KLHL29: variants seen among roughly 807,000 people sequenced by gnomAD.
KLHL29 encodes kelch like family member 29, also known as kelch-like protein 29.
KLHL29 carries 21 observed loss-of-function variants against 80.4 expected under a neutral mutation model. The observed-to-expected ratio is 0.26, with a 90% CI of 0.19 to 0.38. The LOEUF (loss-of-function observed/expected upper bound fraction) is 0.38, where lower values mean the gene tolerates loss of function less well. Among genes scored for constraint, KLHL29 ranks in the 10% least tolerant of loss-of-function variants. The pLI is 1.00. For synonymous variants in KLHL29, 511 were observed against 526.8 expected (o/e 0.97, Z 0.41); for missense variants, 867 against 1,223.9 (o/e 0.71, Z 4.35).
Position 23,693,405 on chromosome 2 carries a change from C to T in KLHL29, c.1419C>T (p.Leu473=), listed in dbSNP as rs1322649692. 4.5e-6 allele frequency: 7 copies of T among 1,551,754 alleles called. No individual in the cohort carries two copies. The highest frequency in any genetic ancestry group is 5.2e-6 in the Non-Finnish European group (6 of 1,146,988). ...AGGTGGCCGCCCAGGAGGAGATCCT[C>T]AGCATCTCCAAGGACGACTTCATCG... ...FPEVAAQEEI[L]SISKDDFIAY... is the part of the protein sequence containing the mutation. The change falls in exon 8 of 14, where the codon CTC becomes CTT. Residue 473 remains leucine, a synonymous_variant. Transcript: ENST00000486442.
chr2:23,602,933 C>T lies in KLHL29; in HGVS notation c.286-36206C>T, dbSNP rs1045265415. Reference sequence around the variant, plus strand: ...TCAGCCTAGGCCAGCTTGGACTTGCCAGCAATTCTGGGGCTTCATAGACCC... The same window carrying T: ...TCAGCCTAGGCCAGCTTGGACTTGCTAGCAATTCTGGGGCTTCATAGACCC... On this transcript the variant is annotated intron_variant, in intron 3 of 13. Transcript: ENST00000486442. Among the ~76,000 whole-genome samples, 16 of 152,270 alleles carry T rather than the reference C, an allele frequency of 1.1e-4. No homozygotes were observed. In the South Asian group the frequency reaches 1.2e-3, roughly 12 times the overall value.
At chr2:23,433,330 C>A (rs1474418907) in intron 1 of KLHL29, among the ~76,000 whole-genome samples, 1 of 152,230 alleles carries the variant, frequency 6.6e-6, no homozygotes, top group Admixed American at 6.5e-5. Context: ...CTAGGGCATT[C>A]CCCGGATCCG....
chr2:23,643,005 C>A, intron 5 of KLHL29, 155 bp downstream of exon 5: 3 of 899,098 alleles, frequency 3.3e-6, no homozygotes, highest in African/African-American at 1.6e-5. Context: ...CTGCCCAAGA[C>A]AACTGGCCTG....
chr2:23,524,947 T>C (rs1666254372), intron 2 of KLHL29, among the ~76,000 whole-genome samples: 1 of 152,254 alleles, frequency 6.6e-6, no homozygotes, highest in South Asian at 2.1e-4. Context: ...CCAAACTCTC[T>C]CAGACTTTGG....
intron 1 of KLHL29, among the ~76,000 whole-genome samples, chr2:23,444,801 G>C (rs1201798718): frequency 6.6e-6 from 1 of 152,122 alleles, no homozygotes; most frequent in African/African-American, 2.4e-5. Flanking sequence ...TCCCGTTACA[G>C]ATGTACGATC....
intron 5 of KLHL29, among the ~76,000 whole-genome samples, chr2:23,678,133 T>G (rs1670973274): frequency 6.6e-6 from 1 of 152,116 alleles, no homozygotes; most frequent in South Asian, 2.1e-4. Flanking sequence ...TGTCGTTTGG[T>G]GAAAAATATG....
At chr2:23,475,797 A>G (rs983982455) in intron 2 of KLHL29, 130 bp downstream of exon 2, 1 of 155,710 alleles carries the variant, frequency 6.4e-6, no homozygotes, top group African/African-American at 2.4e-5. Context: ...CCTCTTCCTC[A>G]GTGCGATTTT....
chr2:23,458,811 T>C (rs1279487565), intron 1 of KLHL29, among the ~76,000 whole-genome samples: 1 of 152,122 alleles, frequency 6.6e-6, no homozygotes, highest in Non-Finnish European at 1.5e-5. Context: ...AGGGGTGAGA[T>C]GAGGCAGGAG....
Position 23,581,760 on chromosome 2 carries a change from G to A in KLHL29, c.285+19279G>A, listed in dbSNP as rs531405555. Among the ~76,000 whole-genome samples the A allele has an allele frequency of 1.3e-4, 19 of 144,636 alleles. 1 individual carries two copies. In the East Asian group the frequency reaches 3.7e-3, roughly 29 times the overall value. The allele number at this position is 144,636 out of a possible 152,430, so 94.9% of individuals were successfully genotyped here. ...GGAGAATCGCTTGAACCCGGGAGGTGGAGGTTGCAGTGAGCCAAGACCACA... is the reference window on the plus strand; with the variant it reads ...GGAGAATCGCTTGAACCCGGGAGGTAGAGGTTGCAGTGAGCCAAGACCACA... On this transcript the variant is annotated intron_variant, in intron 3 of 13. Transcript: ENST00000486442.
intron 2 of KLHL29, among the ~76,000 whole-genome samples, chr2:23,546,689 A>G (rs1666987458): frequency 6.6e-6 from 1 of 152,080 alleles, no homozygotes; most frequent in East Asian, 1.9e-4. Context: ...CAGCCCCTCA[A>G]CCAGTACTCT....
intron 3 of KLHL29, among the ~76,000 whole-genome samples, chr2:23,595,715 AC>A (rs1182598966): frequency 6.6e-6 from 1 of 152,106 alleles, no homozygotes; most frequent in East Asian, 1.9e-4. Flanking sequence ...TGTCCCCAAC[AC>A]ACAGCCAGGG....
intron 1 of KLHL29, among the ~76,000 whole-genome samples, chr2:23,429,872 C>T (rs1663121725): frequency 2.7e-5 from 3 of 110,052 alleles, no homozygotes; most frequent in African/African-American, 4.9e-5. Flanking sequence ...AAGTTTCCTT[C>T]TAGTGACTTT....
intron 3 of KLHL29, among the ~76,000 whole-genome samples, chr2:23,625,441 A>G (rs1282340274): frequency 6.6e-6 from 1 of 152,240 alleles, no homozygotes; most frequent in Admixed American, 6.5e-5. Context: ...GATAAATACA[A>G]CAAGCCTTTC....
chr2:23,602,792 G>A (rs557088171), intron 3 of KLHL29, among the ~76,000 whole-genome samples: 2 of 152,076 alleles, frequency 1.3e-5, no homozygotes, highest in African/African-American at 4.8e-5. Flanking sequence ...TCTGAATCCC[G>A]GGTCAAGGGA....
At chr2:23,573,179 T>C (rs978466952) in intron 3 of KLHL29, among the ~76,000 whole-genome samples, 1 of 152,234 alleles carries the variant, frequency 6.6e-6, no homozygotes, top group Non-Finnish European at 1.5e-5. Context: ...TCCTGGAGCA[T>C]TTGCAGTCAC....
chr2:23,515,682 A>G (rs1156272634), intron 2 of KLHL29, among the ~76,000 whole-genome samples: 1 of 152,272 alleles, frequency 6.6e-6, no homozygotes, highest in African/African-American at 2.4e-5. Context: ...ACGAGGATCT[A>G]AATGGAACTG....
At chr2:23,513,755 G>A (rs1034154253) in intron 2 of KLHL29, among the ~76,000 whole-genome samples, 15 of 152,088 alleles carry the variant, frequency 9.9e-5, no homozygotes, top group Admixed American at 5.9e-4. Context: ...TGCGCTGGGT[G>A]CAGGACCCAC....
chr2:23,407,327 T>A (rs1217213045), intron 1 of KLHL29, among the ~76,000 whole-genome samples: 2 of 152,156 alleles, frequency 1.3e-5, no homozygotes, highest in South Asian at 2.1e-4. Flanking sequence ...AATTTTTTTT[T>A]AATCTTAGTC....
intron 3 of KLHL29, among the ~76,000 whole-genome samples, chr2:23,614,606 C>T (rs781187213): frequency 2.0e-5 from 3 of 152,080 alleles, no homozygotes; most frequent in Non-Finnish European, 4.4e-5. Flanking sequence ...AGGGAATATG[C>T]GTTCTTCAGA....
Sources: gnomAD v4.1 joint callset for allele counts (sites outside exome capture counted in the v4.1 genomes callset) on GRCh38, gnomAD v4.1.1 for gene constraint, MANE v1.5 for transcripts, NCBI Gene and HGNC (gene_info 2026-07-23, HGNC 2026-07-21) for gene names.